The following RBM7 variants were observed in gnomAD, a reference collection of about 807,000 sequenced individuals.
RBM7 encodes the protein RNA-binding protein 7.
Under a neutral mutation model 31.0 loss-of-function variants are expected in RBM7, and 13 were observed. The observed-to-expected ratio is 0.42, with a 90% CI of 0.27 to 0.67. RBM7 has a LOEUF of 0.67. Ranked by LOEUF, RBM7 falls within the 30% of genes least tolerant of loss-of-function variation. The pLI is 0.24. For missense variants in RBM7, 245 were observed against 326.2 expected (o/e 0.75, Z 1.92); for synonymous variants, 106 against 111.2 (o/e 0.95, Z 0.30).
chr11:114,410,046 G>A lies in RBM7; in HGVS notation c.*2239G>A, dbSNP rs1442403833. On this transcript the variant is annotated 3_prime_UTR_variant, in exon 5 of 5. Transcript: ENST00000375490. ...GTGCTCCAATGAGCCTTTCCCCTGA[G>A]TGTCACATCTGTATTGGCACTCAAA... 2 of 152,102 alleles carry A rather than the reference G, an allele frequency of 1.3e-5. No individual in the cohort carries two copies. Among genetic ancestry groups the A allele is most frequent in the African/African-American group, 4.8e-5 (2 of 41,396 alleles). 9.4% of individuals were successfully genotyped at this position (152,102 alleles called of 1,614,324 possible).
chr11:114,409,215 A>C lies in RBM7; in HGVS notation c.*1408A>C, dbSNP rs1042565551. On this transcript the variant is annotated 3_prime_UTR_variant, in exon 5 of 5. Transcript: ENST00000375490. ...TTTCTGTTTCTAAGTAAATGTAGCT[A>C]TTCAACTACTCACTATAGAATTAAG... 6.6e-6 allele frequency: 1 copy of C among 152,178 alleles called. No homozygotes were observed. The highest frequency in any genetic ancestry group is 6.5e-5 in the Admixed American group (1 of 15,286). 9.4% of individuals were successfully genotyped at this position (152,178 alleles called of 1,614,324 possible). A position where few individuals can be genotyped will look rare whatever the true frequency, so the allele number is the denominator to read the frequency against.
intron 3 of RBM7, 81 bp downstream of exon 3, chr11:114,402,996 C>A: frequency 1.7e-6 from 2 of 1,155,368 alleles, no homozygotes; most frequent in Non-Finnish European, 2.6e-6. Context: ...AGTAAATAGT[C>A]TCCTTCATTA....
chr11:114,407,664 A>G lies in RBM7; in HGVS notation c.661A>G (p.Thr221Ala), dbSNP rs539783045. Residue 221 changes from threonine (T) to alanine (A), a missense_variant, in exon 5 of 5, where the codon ACT (threonine) becomes GCT (alanine). Physicochemically the swap from Thr to Ala is moderately conservative, Grantham distance 58. Coordinates refer to ENST00000375490, the MANE Select transcript of RBM7 (RefSeq NM_001286045.2). ...ACATTATAGCCGGGAACAGCGTTACACTGATCATGGGTCTGACCATCATTA... is the reference window on the plus strand; with the variant it reads ...ACATTATAGCCGGGAACAGCGTTACGCTGATCATGGGTCTGACCATCATTA... ...DRHYSREQRY[T>A]DHGSDHHYRG... 7.6e-5 allele frequency: 122 copies of G among 1,614,188 alleles called. No individual in the cohort carries two copies. The East Asian group carries it at 2.5e-3, about 34-fold the overall frequency.
At chr11:114,401,552 C>A in intron 1 of RBM7, 146 bp from the exon 2 acceptor site, 1 of 684,466 alleles carries the variant, frequency 1.5e-6, no homozygotes, top group Non-Finnish European at 2.3e-6. Flanking sequence ...TTTACTGTAG[C>A]CAAAATGGAA....
intron 1 of RBM7, 79 bp from the exon 2 acceptor site, chr11:114,401,619 T>G: frequency 8.6e-7 from 1 of 1,164,238 alleles, no homozygotes; most frequent in South Asian, 2.0e-5. Flanking sequence ...TTTTTAAACT[T>G]TGTCATATCT....
intron 1 of RBM7, 88 bp downstream of exon 1, chr11:114,400,855 G>A: frequency 6.7e-7 from 1 of 1,491,366 alleles, no homozygotes; most frequent in Non-Finnish European, 9.2e-7. Flanking sequence ...TTTCGTAGCC[G>A]TCAGGGGACC....
In RBM7 at chr11:114,407,814, T is replaced by G. The variant is rs759112731; in HGVS notation, c.*7T>G. The G allele has an allele frequency of 6.3e-7, 1 of 1,588,912 alleles. No individual in the cohort carries two copies. The highest frequency in any genetic ancestry group is 1.1e-5 in the South Asian group (1 of 88,668). On this transcript the variant is annotated 3_prime_UTR_variant, in exon 5 of 5. Coordinates refer to ENST00000375490, the MANE Select transcript of RBM7 (RefSeq NM_001286045.2). Reference sequence around the variant, plus strand: ...GCGCTCATCTCGACACTAACACATGTTAAAAGGACATTGTTTTTATAGGGT... The same window carrying G: ...GCGCTCATCTCGACACTAACACATGGTAAAAGGACATTGTTTTTATAGGGT...
In RBM7 at chr11:114,402,810, C is replaced by T; in HGVS notation, c.260-18C>T. 6.3e-7 allele frequency: 1 copy of T among 1,581,636 alleles called. No homozygotes were observed. Among genetic ancestry groups the T allele is most frequent in the Non-Finnish European group, 8.7e-7 (1 of 1,152,302 alleles). ...AGATTTTCTATCAAGAATAATTTTT[C>T]AAATTGTTTCATTTTAGGAAGTAGT... On this transcript the variant is annotated intron_variant, in intron 2 of 4. Transcript: ENST00000375490.
intron 3 of RBM7, among the ~76,000 whole-genome samples, chr11:114,404,966 C>G (rs1946247086): frequency 6.6e-6 from 1 of 152,186 alleles, no homozygotes; most frequent in Admixed American, 6.5e-5. Context: ...TATAAATCCT[C>G]AAAAGTAATA....
In RBM7 at chr11:114,408,028, C is replaced by T. The variant is rs1440715651; in HGVS notation, c.*221C>T. On this transcript the variant is annotated 3_prime_UTR_variant, in exon 5 of 5. Transcript: ENST00000375490. ...TTTATGAAGAGGAAAGGGTTTTATGCAAAAGAAAGTGCTACAATTCCTAAT... is the reference window on the plus strand; with the variant it reads ...TTTATGAAGAGGAAAGGGTTTTATGTAAAAGAAAGTGCTACAATTCCTAAT... 2.6e-6 allele frequency: 1 copy of T among 386,750 alleles called. No homozygotes were observed. Among genetic ancestry groups the T allele is most frequent in the African/African-American group, 2.1e-5 (1 of 48,620 alleles). The allele number at this position is 386,750 out of a possible 1,614,324, so 24.0% of individuals were successfully genotyped here.
At chr11:114,403,002 C>T in intron 3 of RBM7, 87 bp downstream of exon 3, 4 of 1,121,808 alleles carry the variant, frequency 3.6e-6, no homozygotes, top group Non-Finnish European at 5.4e-6. Flanking sequence ...TAGTCTCCTT[C>T]ATTATTCTCT....
chr11:114,406,322 T>A (rs1353759156), intron 4 of RBM7: 1 of 152,314 alleles, frequency 6.6e-6, no homozygotes, highest in Non-Finnish European at 1.5e-5. Flanking sequence ...TAAATCATGA[T>A]CTTGACTTGT....
chr11:114,402,461 T>TG (rs1393501353), intron 2 of RBM7, among the ~76,000 whole-genome samples: 1 of 132,950 alleles, frequency 7.5e-6, no homozygotes, highest in Non-Finnish European at 1.5e-5. Flanking sequence ...TGGAGTGCAG[T>TG]GGTGCAATTT....
Position 114,401,751 on chromosome 11 carries a change from G to A in RBM7, c.150G>A (p.Lys50=). 6.3e-7 allele frequency: 1 copy of A among 1,586,362 alleles called. No homozygotes were observed. Among genetic ancestry groups the A allele is most frequent in the Non-Finnish European group, 8.5e-7 (1 of 1,169,746 alleles). Residue 50 remains lysine (K), a synonymous_variant, in exon 2 of 5, where the codon AAG becomes AAA. Transcript: ENST00000375490. Reference sequence around the variant, plus strand: ...CAAAAGATAAGGATGGTAAACCAAAGCAGTTTGCGTTTGTGAATTTCAAAC... The same window carrying A: ...CAAAAGATAAGGATGGTAAACCAAAACAGTTTGCGTTTGTGAATTTCAAAC... The part of the protein sequence containing the change: ...KIPKDKDGKP[K]QFAFVNFKHE...
In RBM7 at chr11:114,409,092, G is replaced by A. The variant is rs1177408926; in HGVS notation, c.*1285G>A. ...ATGATGTTTCACAATCAGATTTTCA[G>A]TGACCCCTCGATTATAGCTTGGAGT... On this transcript the variant is annotated 3_prime_UTR_variant, in exon 5 of 5. Transcript: ENST00000375490. 2.0e-5 allele frequency: 3 copies of A among 152,082 alleles called. No homozygotes were observed. Among genetic ancestry groups the A allele is most frequent in the Non-Finnish European group, 2.9e-5 (2 of 68,004 alleles). The allele number at this position is 152,082 out of a possible 1,614,324, so 9.4% of individuals were successfully genotyped here.
rs774343809 is a variant in RBM7, at chr11:114,409,843, C to T, written c.*2036C>T. On this transcript the variant is annotated 3_prime_UTR_variant, in exon 5 of 5. Transcript: ENST00000375490. Reference sequence around the variant, plus strand: ...GAGCTGAAAGTAACCAAACTAAATACATGTATTGTGTAAAGGGACAGGACA... The same window carrying T: ...GAGCTGAAAGTAACCAAACTAAATATATGTATTGTGTAAAGGGACAGGACA... The T allele has an allele frequency of 1.3e-5, 2 of 152,068 alleles. No homozygotes were observed. The highest frequency in any genetic ancestry group is 4.8e-5 in the African/African-American group (2 of 41,394). The allele number at this position is 152,068 out of a possible 1,614,324, so 9.4% of individuals were successfully genotyped here. A position where few individuals can be genotyped will look rare whatever the true frequency, so the allele number is the denominator to read the frequency against.
chr11:114,409,775 T>A lies in RBM7; in HGVS notation c.*1968T>A, dbSNP rs1413301214. 1.3e-5 allele frequency: 2 copies of A among 152,228 alleles called. No individual in the cohort carries two copies. Among genetic ancestry groups the A allele is most frequent in the African/African-American group, 4.8e-5 (2 of 41,458 alleles). 9.4% of individuals were successfully genotyped at this position (152,228 alleles called of 1,614,324 possible). A position where few individuals can be genotyped will look rare whatever the true frequency, so the allele number is the denominator to read the frequency against. On this transcript the variant is annotated 3_prime_UTR_variant, in exon 5 of 5. Coordinates refer to ENST00000375490, the MANE Select transcript of RBM7 (RefSeq NM_001286045.2). ...TTTTCAATGGCTTTTTGAGGGAAGC[T>A]TGTGAAGTTCTGGTGAATCTTCTTT...
At chr11:114,404,974 ATATCC>A in intron 3 of RBM7, among the ~76,000 whole-genome samples, 1 of 152,338 alleles carries the variant, frequency 6.6e-6, no homozygotes, top group South Asian at 2.1e-4. Flanking sequence ...CTCAAAAGTA[ATATCC>A]TATGTATGTT....
Position 114,407,838 on chromosome 11 carries a change from G to A in RBM7, c.*31G>A. The A allele has an allele frequency of 6.4e-7, 1 of 1,557,970 alleles. No homozygotes were observed. Among genetic ancestry groups the A allele is most frequent in the South Asian group, 1.2e-5 (1 of 83,174 alleles). Reference sequence around the variant, plus strand: ...GTTAAAAGGACATTGTTTTTATAGGGTCATTTTAGGCCCTTTGACTAAGTT... The same window carrying A: ...GTTAAAAGGACATTGTTTTTATAGGATCATTTTAGGCCCTTTGACTAAGTT... On this transcript the variant is annotated 3_prime_UTR_variant, in exon 5 of 5. Transcript: ENST00000375490.
Sources: gnomAD v4.1 joint callset for allele counts (sites outside exome capture counted in the v4.1 genomes callset) on GRCh38, gnomAD v4.1.1 for gene constraint, MANE v1.5 for transcripts, NCBI Gene and HGNC (gene_info 2026-07-23, HGNC 2026-07-21) for gene names.